Variants in CASK observed in about 807,000 individuals in gnomAD.
The protein encoded by CASK is calcium/calmodulin dependent serine protein kinase, also known as peripheral plasma membrane protein CASK.
In CASK, 4 loss-of-function variants were observed where a neutral mutation model predicts 82.9. The ratio of observed to expected loss-of-function variants is 0.05; its 90% CI spans 0.02 to 0.11. CASK has a LOEUF of 0.11. Ranked by LOEUF, CASK falls within the 10% of genes least tolerant of loss-of-function variation. The pLI is 1.00. For missense variants in CASK, 358 were observed against 720.9 expected, an observed-to-expected ratio of 0.50 and a Z score of 5.76; for synonymous variants, 259 against 253.5, an observed-to-expected ratio of 1.02 and a Z score of -0.20.
chrX:41,684,906 A>G (rs1160072860), intron 5 of CASK, among the ~76,000 whole-genome samples: 1 of 112,150 alleles, frequency 8.9e-6, no homozygotes, highest in Non-Finnish European at 1.9e-5. Flanking sequence ...ACTGATTTTG[A>G]TAACTGTACT....
intron 11 of CASK, among the ~76,000 whole-genome samples, chrX:41,613,367 C>T (rs1222431069): frequency 5.8e-4 from 58 of 100,155 alleles, no homozygotes; most frequent in African/African-American, 2.1e-3. Context: ...TGTGCTGTGT[C>T]CACTCAGGGT....
intron 26 of CASK, 88 bp downstream of exon 26, chrX:41,523,863 C>A: frequency 1.4e-6 from 1 of 695,967 alleles, no homozygotes; most frequent in Non-Finnish European, 2.3e-6. Flanking sequence ...AGCCTTGCTG[C>A]AAATGTAGAC....
In CASK at chrX:41,777,507, T is replaced by A. The variant is rs1366706269; in HGVS notation, c.278+9671A>T. 9.5e-3 allele frequency among the ~76,000 whole-genome samples: 938 copies of A among 98,915 alleles called. 6 individuals are homozygous for A. Among genetic ancestry groups the A allele is most frequent in the Non-Finnish European group, 0.016 (786 of 49,164 alleles). The allele number at this position is 98,915 out of a possible 115,157, so 85.9% of individuals were successfully genotyped here. A position where few individuals can be genotyped will look rare whatever the true frequency, so the allele number is the denominator to read the frequency against. Reference sequence around the variant, plus strand: ...TCGTCTCAAAAAAAAAAAAAAAAAATAGATTTTAGCAGACGACAGTGAACT... The same window carrying A: ...TCGTCTCAAAAAAAAAAAAAAAAAAAAGATTTTAGCAGACGACAGTGAACT... On this transcript the variant is annotated intron_variant, in intron 3 of 26. Transcript: ENST00000378163.
intron 5 of CASK, chrX:41,695,436 C>T: frequency 2.6e-6 from 1 of 381,390 alleles, no homozygotes; most frequent in East Asian, 4.0e-5. Context: ...CTGCTGTAGC[C>T]TCCCGAGTAG....
chrX:41,806,396 A>G (rs1299194020), intron 2 of CASK, among the ~76,000 whole-genome samples: 8 of 111,978 alleles, frequency 7.1e-5, no homozygotes, highest in Non-Finnish European at 1.5e-4. Flanking sequence ...AAAAATTTTT[A>G]CTCTGTTCTC....
At chrX:41,816,230 T>C (rs759074852) in intron 2 of CASK, among the ~76,000 whole-genome samples, 1 of 110,556 alleles carries the variant, frequency 9.0e-6, no homozygotes, top group Admixed American at 9.5e-5. Context: ...CAGTTCATGA[T>C]AATAACACAG....
chrX:41,694,572 C>G (rs1329460304), intron 5 of CASK, among the ~76,000 whole-genome samples: 1 of 112,288 alleles, frequency 8.9e-6, no homozygotes, highest in Non-Finnish European at 1.9e-5. Flanking sequence ...ACCCAGGGCA[C>G]ATTTAAGCTT....
At chrX:41,839,480 C>T (rs5963279) in intron 2 of CASK, among the ~76,000 whole-genome samples, 1 of 108,732 alleles carries the variant, frequency 9.2e-6, no homozygotes, top group African/African-American at 3.3e-5. Flanking sequence ...ACTGATTTTT[C>T]GTATGTTTAT....
chrX:41,676,800 A>C lies in CASK; in HGVS notation c.430-5270T>G, dbSNP rs994747776. 3.3e-4 allele frequency among the ~76,000 whole-genome samples: 37 copies of C among 112,855 alleles called. 1 individual carries two copies. The highest frequency in any genetic ancestry group is 6.4e-4 in the Non-Finnish European group (34 of 53,372). The stretch of plus-strand genomic sequence containing the variant: ...AGAAGATGGTGACTTGGACTAGACT[A>C]GAGTGACAGAAGCAGAGATGATGAG... On this transcript the variant is annotated intron_variant, in intron 5 of 26. Transcript: ENST00000378163.
intron 1 of CASK, among the ~76,000 whole-genome samples, chrX:41,893,474 G>T (rs2072214266): frequency 8.9e-6 from 1 of 112,180 alleles, no homozygotes; most frequent in African/African-American, 3.2e-5. Flanking sequence ...TGACATACTT[G>T]GGGGTTCTGG....
At chrX:41,784,313 G>A (rs1469341548) in intron 3 of CASK, among the ~76,000 whole-genome samples, 1 of 112,148 alleles carries the variant, frequency 8.9e-6, no homozygotes, top group Non-Finnish European at 1.9e-5. Flanking sequence ...GAAAAAAAGG[G>A]AGGTTCCACC....
intron 22 of CASK, among the ~76,000 whole-genome samples, chrX:41,540,559 G>A (rs2064934428): frequency 8.9e-6 from 1 of 112,385 alleles, no homozygotes; most frequent in Non-Finnish European, 1.9e-5. Context: ...TTCAAGGCCC[G>A]TAGGAGCGAA....
intron 12 of CASK, among the ~76,000 whole-genome samples, chrX:41,608,552 CT>C (rs1276794905): frequency 8.9e-6 from 1 of 112,099 alleles, no homozygotes; most frequent in Non-Finnish European, 1.9e-5. Context: ...GAAGATTTTT[CT>C]TGTAAAAAGA....
chrX:41,630,740 T>G lies in CASK; in HGVS notation c.916-4037A>C, dbSNP rs141501305. ...ACCAATAGGAGTGTGACAAAGAAAT[T>G]TGAAAGATAATCATCCTATTAGAAT... On this transcript the variant is annotated intron_variant, in intron 9 of 26. Transcript: ENST00000378163. 8.6e-4 allele frequency among the ~76,000 whole-genome samples: 96 copies of G among 111,487 alleles called. 1 individual carries two copies. Among genetic ancestry groups the G allele is most frequent in the African/African-American group, 2.9e-3 (88 of 30,711 alleles).
chrX:41,774,342 T>G, intron 3 of CASK, among the ~76,000 whole-genome samples: 2 of 111,469 alleles, frequency 1.8e-5, no homozygotes. Flanking sequence ...TCACAATTGC[T>G]TCAAAGAGAA....
chrX:41,862,542 GAAAAAAA>G (rs35462461), intron 1 of CASK, among the ~76,000 whole-genome samples: 5 of 32,871 alleles, frequency 1.5e-4, no homozygotes, highest in Admixed American at 4.2e-4. Flanking sequence ...CTCTGTCTCA[GAAAAAAA>G]AAAAAAAAAA....
chrX:41,559,723 G>A (rs770996646), intron 18 of CASK, 56 bp downstream of exon 18: 203 of 1,033,113 alleles, frequency 2.0e-4, no homozygotes, highest in Non-Finnish European at 2.7e-4. Context: ...ACAGCCATCA[G>A]CAGACAGTTA....
chrX:41,777,688 C>T (rs1330656851), intron 3 of CASK, among the ~76,000 whole-genome samples: 1 of 110,649 alleles, frequency 9.0e-6, no homozygotes, highest in Non-Finnish European at 1.9e-5. Context: ...TTTAAAATTT[C>T]TTGACTTGGG....
At chrX:41,622,482 A>G (rs959895285) in intron 11 of CASK, 135 bp downstream of exon 11, 1 of 418,724 alleles carries the variant, frequency 2.4e-6, no homozygotes, top group Non-Finnish European at 4.1e-6. Context: ...TTTTATGACC[A>G]GGCAGTGTTA....
Sources: allele counts gnomAD v4.1 joint callset (sites outside exome capture counted in the v4.1 genomes callset), GRCh38; gene constraint gnomAD v4.1.1; transcripts MANE v1.5; gene names NCBI Gene and HGNC (gene_info 2026-07-23, HGNC 2026-07-21).